The following KIF16B variants were observed in gnomAD, a reference collection of about 807,000 sequenced individuals.
The protein encoded by KIF16B is kinesin family member 16B.
A neutral mutation model predicts 156.3 loss-of-function variants in KIF16B; 98 were observed. That is an observed-to-expected ratio of 0.63 (90% confidence interval 0.53 to 0.74). KIF16B has a LOEUF of 0.74. KIF16B is among the 30% of genes least tolerant of loss of function. KIF16B has a pLI of 0.00. For synonymous variants in KIF16B, 564 were observed against 583.7 expected, an observed-to-expected ratio of 0.97 and a Z score of 0.49; for missense variants, 1,421 against 1,606.5, an observed-to-expected ratio of 0.88 and a Z score of 1.97.
chr20:16,367,805 C>T, intron 22 of KIF16B: 2 of 1,612,352 alleles, frequency 1.2e-6, no homozygotes, highest in Non-Finnish European at 1.7e-6. Flanking sequence ...GGCATCAGGA[C>T]ACACAGGAGG....
At position 16,406,416 on chromosome 20, in the gene KIF16B, A is replaced by G. The variant is rs1568943561; in HGVS notation, c.1653T>C (p.Phe551=). 6.2e-7 allele frequency: 1 copy of G among 1,613,564 alleles called. No individual in the cohort carries two copies. The highest frequency in any genetic ancestry group is 8.5e-7 in the Non-Finnish European group (1 of 1,179,612). Residue 551 remains phenylalanine (F), a synonymous_variant, in exon 16 of 26, where the codon TTT becomes TTC. Coordinates refer to ENST00000354981, the MANE Select transcript of KIF16B (RefSeq NM_024704.5). ...ILLGRTNMFR[F]NHPKEAAKLR... ...GCTTGGCGGCTTCCTTTGGATGGTT[A>G]AAGCGAAACATATTGGTTCTTCCCA...
At chr20:16,557,998 G>A (rs6044114) in intron 1 of KIF16B, among the ~76,000 whole-genome samples, 46,684 of 151,964 alleles carry the variant, frequency 0.31, 7,481 homozygotes, top group East Asian at 0.43. Flanking sequence ...ATTTTGATAA[G>A]TGCTGTAAAC....
chr20:16,279,137 C>T (rs2063108071), intron 25 of KIF16B, among the ~76,000 whole-genome samples: 1 of 152,170 alleles, frequency 6.6e-6, no homozygotes, highest in African/African-American at 2.4e-5. Flanking sequence ...TCCCAAACAG[C>T]AGCCCAATCC....
At chr20:16,308,969 G>T (rs1297392156) in intron 25 of KIF16B, among the ~76,000 whole-genome samples, 2 of 152,200 alleles carry the variant, frequency 1.3e-5, no homozygotes, top group Non-Finnish European at 2.9e-5. Context: ...CTGGAGCCTG[G>T]GAAGCATGTC....
rs572587466 is a variant in KIF16B, at chr20:16,273,166, G to A, written c.*87C>T. The A allele has an allele frequency of 3.1e-5, 36 of 1,174,246 alleles. No individual in the cohort carries two copies. Among genetic ancestry groups the A allele is most frequent in the South Asian group, 1.2e-4 (9 of 74,572 alleles). The allele number at this position is 1,174,246 out of a possible 1,614,324, so 72.7% of individuals were successfully genotyped here. A position where few individuals can be genotyped will look rare whatever the true frequency, so the allele number is the denominator to read the frequency against. Reference sequence around the variant, plus strand: ...GTCTTCAGCAGGAGGAGGCAGACCCGGATCCTCGCATGGGGGAGCTGCCCT... The same window carrying A: ...GTCTTCAGCAGGAGGAGGCAGACCCAGATCCTCGCATGGGGGAGCTGCCCT... On this transcript the variant is annotated 3_prime_UTR_variant, in exon 26 of 26. Transcript: ENST00000354981.
chr20:16,420,142 C>A (rs2066189303), intron 15 of KIF16B, among the ~76,000 whole-genome samples: 1 of 152,136 alleles, frequency 6.6e-6, no homozygotes, highest in Non-Finnish European at 1.5e-5. Flanking sequence ...AGAAAAACTT[C>A]AGGCAACAAA....
At chr20:16,386,245 C>T (rs1600261683) in intron 17 of KIF16B, among the ~76,000 whole-genome samples, 1 of 152,086 alleles carries the variant, frequency 6.6e-6, no homozygotes, top group Non-Finnish European at 1.5e-5. Context: ...ATAAATGGCC[C>T]TCTAATGAGG....
At chr20:16,367,785 A>C (rs1319063040) in intron 22 of KIF16B, 1 of 1,612,598 alleles carries the variant, frequency 6.2e-7, no homozygotes, top group African/African-American at 1.3e-5. Context: ...AGGCAGCGGC[A>C]TCAGGCTCTG....
chr20:16,331,001 G>GT (rs1325378507), intron 24 of KIF16B, among the ~76,000 whole-genome samples: 1 of 152,158 alleles, frequency 6.6e-6, no homozygotes, highest in Admixed American at 6.5e-5. Flanking sequence ...GAGACTGCTT[G>GT]GGGGGCTTCT....
intron 25 of KIF16B, among the ~76,000 whole-genome samples, chr20:16,299,476 T>C (rs2063440335): frequency 6.6e-6 from 1 of 152,172 alleles, no homozygotes; most frequent in African/African-American, 2.4e-5. Flanking sequence ...TGGTAGAAAT[T>C]GGCTAGTATA....
intron 2 of KIF16B, 99 bp downstream of exon 2, chr20:16,528,272 G>A: frequency 1.1e-6 from 1 of 897,852 alleles, no homozygotes; most frequent in Non-Finnish European, 1.8e-6. Flanking sequence ...AAAGGAGGGT[G>A]TGGAAACAGC....
At chr20:16,343,336 G>T (rs1031751686) in intron 23 of KIF16B, among the ~76,000 whole-genome samples, 1 of 152,186 alleles carries the variant, frequency 6.6e-6, no homozygotes, top group Non-Finnish European at 1.5e-5. Context: ...AGGATTGCCA[G>T]TGTTAAGATC....
chr20:16,435,224 G>A (rs13044096), intron 12 of KIF16B, among the ~76,000 whole-genome samples: 4,935 of 152,152 alleles, frequency 0.032, 79 homozygotes, highest in African/African-American at 0.038. Context: ...AATCTGTACC[G>A]GTTTGAGAAC....
At chr20:16,409,982 T>TATATATGTACGTAC (rs1555877432) in intron 15 of KIF16B, among the ~76,000 whole-genome samples, 1 of 55,532 alleles carries the variant, frequency 1.8e-5, no homozygotes, top group East Asian at 8.2e-4. Flanking sequence ...TATATATATA[T>TATATATGTACGTAC]ATATATATAT....
At chr20:16,335,540 A>C in intron 24 of KIF16B, among the ~76,000 whole-genome samples, 1 of 152,174 alleles carries the variant, frequency 6.6e-6, no homozygotes, top group East Asian at 1.9e-4. Context: ...TTCTTTTTTA[A>C]AGAAAAAAGT....
At chr20:16,478,793 T>G (rs1315776694) in intron 12 of KIF16B, among the ~76,000 whole-genome samples, 1 of 152,220 alleles carries the variant, frequency 6.6e-6, no homozygotes, top group African/African-American at 2.4e-5. Context: ...CTGTGCCTAA[T>G]TTATAAATGA....
chr20:16,449,295 T>G (rs1011083401), intron 12 of KIF16B, among the ~76,000 whole-genome samples: 2 of 152,144 alleles, frequency 1.3e-5, no homozygotes, highest in African/African-American at 4.8e-5. Flanking sequence ...AAAATAAAAT[T>G]GTAAATCCTA....
intron 15 of KIF16B, among the ~76,000 whole-genome samples, chr20:16,409,948 C>CATATATATAT (rs74175688): frequency 3.6e-5 from 2 of 54,948 alleles, no homozygotes; most frequent in Non-Finnish European, 3.0e-5. Context: ...CACTTACCTA[C>CATATATATAT]ATATATATAT....
In KIF16B at chr20:16,378,958, C is replaced by T. The variant is rs897234783; in HGVS notation, c.3044G>A (p.Arg1015Lys). 1.2e-6 allele frequency: 2 copies of T among 1,613,962 alleles called. No homozygotes were observed. Among genetic ancestry groups the T allele is most frequent in the Non-Finnish European group, 1.7e-6 (2 of 1,179,962 alleles). Residue 1015 changes from arginine (R) to lysine (K), a missense_variant, in exon 19 of 26, where the codon AGA becomes AAA. Physicochemically the swap from Arg to Lys is conservative, Grantham distance 26 (BLOSUM62 2). Coordinates refer to ENST00000354981, the MANE Select transcript of KIF16B (RefSeq NM_024704.5). The stretch of plus-strand genomic sequence containing the variant: ...GGAGTGCCTCTGCAGCGCAGAATGT[C>T]TCCTCTCCAGCCTGGCCAGGGCCCG... ...LERALARLER[R>K]HSALQRHSTL...
Sources: gnomAD v4.1 joint callset for allele counts (sites outside exome capture counted in the v4.1 genomes callset) on GRCh38, gnomAD v4.1.1 for gene constraint, MANE v1.5 for transcripts, NCBI Gene and HGNC (gene_info 2026-07-23, HGNC 2026-07-21) for gene names.